The following PPM1E variants were observed in gnomAD, a reference collection of about 807,000 sequenced individuals.
PPM1E encodes the protein protein phosphatase 1E.
PPM1E carries 20 observed loss-of-function variants against 65.9 expected under a neutral mutation model. The ratio of observed to expected loss-of-function variants is 0.30; its 90% CI spans 0.21 to 0.44. The LOEUF is 0.44. Among genes scored for constraint, PPM1E ranks in the 20% least tolerant of loss-of-function variants. The probability of loss-of-function intolerance (pLI) is 1.00; values close to 1 mark genes in which losing one functional copy is unlikely to be tolerated. For missense variants in PPM1E, 713 were observed against 953.1 expected, an observed-to-expected ratio of 0.75 and a Z score of 3.32; for synonymous variants, 352 against 374.9, an observed-to-expected ratio of 0.94 and a Z score of 0.70.
chr17:58,837,736 G>A (rs181410433), intron 1 of PPM1E, among the ~76,000 whole-genome samples: 1 of 152,236 alleles, frequency 6.6e-6, no homozygotes, highest in East Asian at 1.9e-4. Flanking sequence ...GACCTCAGGT[G>A]ATCCACCCGC....
At chr17:58,842,177 G>A (rs980507919) in intron 1 of PPM1E, among the ~76,000 whole-genome samples, 1 of 152,080 alleles carries the variant, frequency 6.6e-6, no homozygotes, top group African/African-American at 2.4e-5. Context: ...GGGCCATCCT[G>A]TAGTATACCT....
rs556886867 is a variant in PPM1E, at chr17:58,885,624, C to T, written c.465-70025C>T. ...GCCTCCAAAAAGACTTTCAATTTCT[C>T]GCCTGGGCAATAAAGTGGAAGTGTT... On this transcript the variant is annotated intron_variant, in intron 1 of 6. Coordinates refer to ENST00000308249, the MANE Select transcript of PPM1E (RefSeq NM_014906.5). Among the ~76,000 whole-genome samples the T allele has an allele frequency of 7.9e-5, 12 of 152,230 alleles. No homozygotes were observed. In the East Asian group the frequency reaches 1.9e-3, roughly 24 times the overall value.
intron 1 of PPM1E, among the ~76,000 whole-genome samples, chr17:58,837,193 T>G (rs1427468952): frequency 7.1e-6 from 1 of 140,674 alleles, no homozygotes; most frequent in African/African-American, 2.7e-5. Flanking sequence ...GAGGTTACAG[T>G]GGGCCATGAT....
intron 1 of PPM1E, among the ~76,000 whole-genome samples, chr17:58,864,256 G>A (rs1464878451): frequency 6.6e-6 from 1 of 152,056 alleles, no homozygotes; most frequent in Non-Finnish European, 1.5e-5. Flanking sequence ...TTTTGTCCAC[G>A]ACAAGTTCTA....
rs988024291 is a variant in PPM1E, at chr17:58,909,779, C to T, written c.465-45870C>T. 9.9e-5 allele frequency among the ~76,000 whole-genome samples: 15 copies of T among 151,702 alleles called. 1 individual carries two copies. The highest frequency in any genetic ancestry group is 5.9e-5 in the Non-Finnish European group (4 of 67,922). On this transcript the variant is annotated intron_variant, in intron 1 of 6. Transcript: ENST00000308249. ...TAGTTTAAAATGATATTCCTAGGTA[C>T]AGGGTTTTTGTTTTTGTTTTTTGAC...
chr17:58,878,815 C>G (rs745649031), intron 1 of PPM1E, among the ~76,000 whole-genome samples: 1 of 151,132 alleles, frequency 6.6e-6, no homozygotes, highest in Non-Finnish European at 1.5e-5. Flanking sequence ...TGCCTGTAGT[C>G]CCAGCTACTC....
intron 1 of PPM1E, among the ~76,000 whole-genome samples, chr17:58,791,519 G>A (rs1002971691): frequency 5.9e-5 from 9 of 152,164 alleles, no homozygotes; most frequent in Admixed American, 3.3e-4. Flanking sequence ...TAGTGTCTCA[G>A]AGAAGTCCGT....
In PPM1E at chr17:58,965,704, A is replaced by G. The variant is rs1165599687; in HGVS notation, c.594A>G (p.Thr198=). ...DGTEGTVEIE[T]VKLARSVFSK... is the part of the protein sequence containing the mutation. ...GTGTTTCTTTCACAGAGATTGAGAC[A>G]GTGAAATTGGCCCGTTCTGTCTTCA... is the stretch of plus-strand genomic sequence containing the variant. Residue 198 remains threonine, a synonymous_variant, in exon 3 of 7, where the codon ACA becomes ACG. Coordinates refer to ENST00000308249, the MANE Select transcript of PPM1E (RefSeq NM_014906.5). The G allele has an allele frequency of 6.2e-7, 1 of 1,614,030 alleles. No individual in the cohort carries two copies. The highest frequency in any genetic ancestry group is 1.1e-5 in the South Asian group (1 of 91,080).
intron 1 of PPM1E, among the ~76,000 whole-genome samples, chr17:58,923,589 T>C (rs1300160311): frequency 6.6e-6 from 1 of 151,420 alleles, no homozygotes; most frequent in African/African-American, 2.4e-5. Flanking sequence ...CTACTAAAAA[T>C]AAAAAATTAG....
At chr17:58,979,456 G>A (rs762570053) in intron 6 of PPM1E, among the ~76,000 whole-genome samples, 4 of 152,240 alleles carry the variant, frequency 2.6e-5, no homozygotes, top group East Asian at 3.9e-4. Flanking sequence ...CTTCGTGCTC[G>A]CAGCATGAAG....
chr17:58,798,742 G>A (rs1421295742), intron 1 of PPM1E, among the ~76,000 whole-genome samples: 2 of 151,452 alleles, frequency 1.3e-5, no homozygotes, highest in Non-Finnish European at 2.9e-5. Flanking sequence ...CACCCAAGCT[G>A]GAGTTCAGTG....
chr17:58,757,651 G>C (rs1265967968), intron 1 of PPM1E, among the ~76,000 whole-genome samples: 1 of 152,140 alleles, frequency 6.6e-6, no homozygotes, highest in Non-Finnish European at 1.5e-5. Flanking sequence ...AACCTGTTTT[G>C]TCTTCATCCA....
At chr17:58,872,234 T>C (rs1373908301) in intron 1 of PPM1E, among the ~76,000 whole-genome samples, 1 of 152,046 alleles carries the variant, frequency 6.6e-6, no homozygotes, top group African/African-American at 2.4e-5. Flanking sequence ...GAGGCGGAGG[T>C]TGCAGTGAGC....
At chr17:58,965,331 T>C (rs2030188968) in intron 2 of PPM1E, among the ~76,000 whole-genome samples, 1 of 152,028 alleles carries the variant, frequency 6.6e-6, no homozygotes, top group Non-Finnish European at 1.5e-5. Flanking sequence ...GAGGCTTGGC[T>C]CTCCTGGTGA....
At position 58,823,505 on chromosome 17, in the gene PPM1E, A is replaced by G. The variant is rs866114008; in HGVS notation, c.464+67044A>G. Among the ~76,000 whole-genome samples the G allele has an allele frequency of 3.3e-5, 5 of 152,328 alleles. No homozygotes were observed. The South Asian group carries it at 1.0e-3, about 32-fold the overall frequency. On this transcript the variant is annotated intron_variant, in intron 1 of 6. Transcript: ENST00000308249. ...GAATATAGGAGAATGAATCTTATGC[A>G]TCTATAGTTACTCTTTGAAAATAAC...
chr17:58,830,957 T>TTA (rs2143176477), intron 1 of PPM1E, among the ~76,000 whole-genome samples: 1 of 151,948 alleles, frequency 6.6e-6, no homozygotes, highest in East Asian at 1.9e-4. Flanking sequence ...AGTGCTTCTA[T>TTA]TACAGGCGTG....
chr17:58,874,859 A>G (rs1486263593), intron 1 of PPM1E, among the ~76,000 whole-genome samples: 2 of 152,084 alleles, frequency 1.3e-5, no homozygotes, highest in Non-Finnish European at 2.9e-5. Flanking sequence ...TTTAAATTAA[A>G]TTTTTATTTT....
intron 1 of PPM1E, among the ~76,000 whole-genome samples, chr17:58,918,207 A>T (rs2051707428): frequency 6.6e-6 from 1 of 152,200 alleles, no homozygotes; most frequent in Non-Finnish European, 1.5e-5. Flanking sequence ...TTGGATGGTT[A>T]AAAGAATAAG....
rs28510288 is a variant in PPM1E, at chr17:58,762,476, T to G, written c.464+6015T>G. Among the ~76,000 whole-genome samples the G allele has an allele frequency of 9.4e-4, 142 of 151,736 alleles. 1 individual carries two copies. The highest frequency in any genetic ancestry group is 3.4e-3 in the African/African-American group (139 of 41,388). ...AGACCTTGTTTCAAAAAAAAAAAGT[T>G]TCTATGACAAAATCATGAGTTAAAC... On this transcript the variant is annotated intron_variant, in intron 1 of 6. Coordinates refer to ENST00000308249, the MANE Select transcript of PPM1E (RefSeq NM_014906.5).
Sources: allele counts gnomAD v4.1 joint callset (sites outside exome capture counted in the v4.1 genomes callset), GRCh38; gene constraint gnomAD v4.1.1; transcripts MANE v1.5; gene names NCBI Gene and HGNC (gene_info 2026-07-23, HGNC 2026-07-21).